The following COL28A1 variants were observed in gnomAD, a reference collection of about 807,000 sequenced individuals.
COL28A1 encodes the protein collagen alpha-1(XXVIII) chain.
A neutral mutation model predicts 150.2 loss-of-function variants in COL28A1; 161 were observed. That is an observed-to-expected ratio of 1.07 (90% CI 0.94 to 1.22). The LOEUF (loss-of-function observed/expected upper bound fraction) is 1.22. COL28A1 is among the 50% of genes most tolerant of loss of function. COL28A1 has a pLI of 0.00. For synonymous variants in COL28A1, 552 were observed against 469.7 expected, an observed-to-expected ratio of 1.18 and a Z score of -2.26; for missense variants, 1,617 against 1,388.3, an observed-to-expected ratio of 1.16 and a Z score of -2.62.
intron 13 of COL28A1, among the ~76,000 whole-genome samples, chr7:7,487,760 C>G (rs1779707111): frequency 6.6e-6 from 1 of 152,090 alleles, no homozygotes; most frequent in South Asian, 2.1e-4. Flanking sequence ...TTTTTCTATT[C>G]CACTCGAATC....
intron 15 of COL28A1, among the ~76,000 whole-genome samples, chr7:7,461,514 C>A (rs1787620439): frequency 6.6e-6 from 1 of 152,162 alleles, no homozygotes; most frequent in South Asian, 2.1e-4. Flanking sequence ...TACTCACCCA[C>A]TGCCTGGAAA....
At chr7:7,510,405 C>T (rs984594742) in intron 9 of COL28A1, among the ~76,000 whole-genome samples, 1 of 152,146 alleles carries the variant, frequency 6.6e-6, no homozygotes, top group Non-Finnish European at 1.5e-5. Context: ...CTGTCTCAGC[C>T]TCCTGAGTAG....
upstream of COL28A1, among the ~76,000 whole-genome samples, chr7:7,540,434 A>C (rs1372193665): frequency 6.6e-6 from 1 of 152,238 alleles, no homozygotes; most frequent in Non-Finnish European, 1.5e-5. Context: ...TAAATCTCTG[A>C]ACTGGAAGGA....
At chr7:7,354,405 A>C (rs948545343), downstream of COL28A1, among the ~76,000 whole-genome samples, 2 of 152,198 alleles carry the variant, frequency 1.3e-5, no homozygotes, top group African/African-American at 4.8e-5. Flanking sequence ...AATTCAGGGC[A>C]AGTATCAAAG....
the COL28A1 span, among the ~76,000 whole-genome samples, chr7:7,543,622 C>A: frequency 1.3e-5 from 2 of 152,016 alleles, no homozygotes; most frequent in Non-Finnish European, 1.5e-5. Context: ...AGCAGCATAC[C>A]ACTATGCAGG....
chr7:7,497,452 G>A (rs1240338076), intron 11 of COL28A1, among the ~76,000 whole-genome samples: 1 of 152,142 alleles, frequency 6.6e-6, no homozygotes, highest in Non-Finnish European at 1.5e-5. Flanking sequence ...GTCATAGGGA[G>A]GTAAAGTAAC....
At chr7:7,443,684 A>G (rs1264321802) in intron 19 of COL28A1, 31 bp from the exon 20 acceptor site, 2 of 1,612,910 alleles carry the variant, frequency 1.2e-6, no homozygotes, top group Admixed American at 1.7e-5. Context: ...GTGTTAGCTG[A>G]CCCTCCAGTA....
At chr7:7,387,908 G>C (rs2128292607) in intron 27 of COL28A1, among the ~76,000 whole-genome samples, 1 of 152,292 alleles carries the variant, frequency 6.6e-6, no homozygotes, top group East Asian at 1.9e-4. Flanking sequence ...AAAGCTGCAG[G>C]TGTGGATTTC....
At chr7:7,350,628 G>A in the COL28A1 span, among the ~76,000 whole-genome samples, 20 of 150,514 alleles carry the variant, frequency 1.3e-4, no homozygotes, top group Non-Finnish European at 3.0e-5. Context: ...TTCCAGCAGG[G>A]AGATGTTCTG....
intron 18 of COL28A1, 78 bp downstream of exon 18, chr7:7,452,241 A>T: frequency 3.8e-6 from 6 of 1,560,354 alleles, no homozygotes; most frequent in Non-Finnish European, 5.2e-6. Context: ...CAGAGTCTGT[A>T]AGGCAATTGG....
At chr7:7,488,908 T>C (rs1481561688) in intron 13 of COL28A1, among the ~76,000 whole-genome samples, 1 of 152,240 alleles carries the variant, frequency 6.6e-6, no homozygotes, top group African/African-American at 2.4e-5. Context: ...AAACATCATA[T>C]ATATTTACAC....
At chr7:7,526,166 T>A (rs767732658) in intron 3 of COL28A1, among the ~76,000 whole-genome samples, 6 of 152,246 alleles carry the variant, frequency 3.9e-5, no homozygotes, top group Non-Finnish European at 5.9e-5. Context: ...GCCAGGACAA[T>A]TCTTGCTTTT....
chr7:7,532,363 G>A (rs545210309), intron 2 of COL28A1, among the ~76,000 whole-genome samples: 3 of 151,890 alleles, frequency 2.0e-5, no homozygotes, highest in Non-Finnish European at 4.4e-5. Context: ...AGAGTAAGTG[G>A]AGAAGAAACC....
At chr7:7,519,518 G>C (rs761368341) in intron 6 of COL28A1, among the ~76,000 whole-genome samples, 27 of 151,972 alleles carry the variant, frequency 1.8e-4, no homozygotes, top group Non-Finnish European at 3.5e-4. Flanking sequence ...TGTTGTTCTT[G>C]AACTTGGAAC....
At position 7,437,374 on chromosome 7, in the gene COL28A1, T is replaced by C. The variant is rs759195087; in HGVS notation, c.1791+20A>G. ...TGCCAAAGGGTCAAGAAAAAGAAAA[T>C]AATCTCCAAGAATATATACCTTTGG... is the stretch of plus-strand genomic sequence containing the variant. On this transcript the variant is annotated intron_variant, in intron 22 of 34. Transcript: ENST00000399429. 18 of 1,596,810 alleles carry C rather than the reference T, an allele frequency of 1.1e-5. No individual in the cohort carries two copies. The South Asian group carries it at 1.7e-4, about 15-fold the overall frequency.
intron 9 of COL28A1, among the ~76,000 whole-genome samples, chr7:7,507,964 G>A (rs1049396054): frequency 1.3e-5 from 2 of 152,182 alleles, no homozygotes; most frequent in Non-Finnish European, 2.9e-5. Flanking sequence ...CAGGCGTGCT[G>A]GCTCACGCCT....
chr7:7,406,582 G>A (rs1783504129), intron 27 of COL28A1, among the ~76,000 whole-genome samples: 1 of 152,172 alleles, frequency 6.6e-6, no homozygotes, highest in African/African-American at 2.4e-5. Flanking sequence ...ATAAAATGAT[G>A]GAGAATGGGG....
chr7:7,429,426 TCACATACACACACA>T (rs1348927766), intron 25 of COL28A1, among the ~76,000 whole-genome samples: 3,456 of 119,010 alleles, frequency 0.029, 157 homozygotes, highest in African/African-American at 0.1. Flanking sequence ...TCTCTCTCTC[TCACATACACACACA>T]CTCTCTTTCT....
intron 15 of COL28A1, among the ~76,000 whole-genome samples, chr7:7,465,037 T>C (rs1017505238): frequency 2.0e-5 from 3 of 152,180 alleles, no homozygotes; most frequent in Non-Finnish European, 2.9e-5. Flanking sequence ...AACACCTTTA[T>C]GCGCATAAAC....
Sources: gnomAD v4.1 joint callset for allele counts (sites outside exome capture counted in the v4.1 genomes callset) on GRCh38, gnomAD v4.1.1 for gene constraint, MANE v1.5 for transcripts, NCBI Gene and HGNC (gene_info 2026-07-23, HGNC 2026-07-21) for gene names.